The following TNIK variants were observed in gnomAD, a reference collection of about 807,000 sequenced individuals.
TNIK encodes the protein TRAF2 and NCK interacting kinase.
TNIK carries 49 observed loss-of-function variants against 191.3 expected under a neutral mutation model. That is an observed-to-expected ratio of 0.26 (90% CI 0.20 to 0.32). The LOEUF (loss-of-function observed/expected upper bound fraction) is 0.32. TNIK is among the 10% of genes least tolerant of loss of function. The pLI, the probability that TNIK is intolerant of heterozygous loss-of-function variation, is 1.00. For synonymous variants in TNIK, 594 were observed against 600.9 expected (o/e 0.99, Z 0.17); for missense variants, 1,155 against 1,702.3 (o/e 0.68, Z 5.66).
intron 2 of TNIK, among the ~76,000 whole-genome samples, chr3:171,346,206 A>G (rs1187469028): frequency 6.6e-6 from 1 of 152,180 alleles, no homozygotes; most frequent in Non-Finnish European, 1.5e-5. Flanking sequence ...GTGGTTGATC[A>G]TTAATTACTC....
At chr3:171,352,277 G>C (rs757257316) in intron 2 of TNIK, among the ~76,000 whole-genome samples, 1 of 152,078 alleles carries the variant, frequency 6.6e-6, no homozygotes, top group Non-Finnish European at 1.5e-5. Flanking sequence ...ATCTTCATGT[G>C]GCATTAAAAA....
chr3:171,259,098 AAGAGAG>A (rs1167546459), intron 2 of TNIK, among the ~76,000 whole-genome samples: 4 of 149,792 alleles, frequency 2.7e-5, no homozygotes, highest in Non-Finnish European at 6.0e-5. Context: ...TGTTTTATAT[AAGAGAG>A]AGAGAGAGCA....
chr3:171,450,470 C>T lies in TNIK; in HGVS notation c.57+9537G>A, dbSNP rs557305221. 6.9e-4 allele frequency among the ~76,000 whole-genome samples: 105 copies of T among 152,214 alleles called. 1 individual carries two copies. Among genetic ancestry groups the T allele is most frequent in the South Asian group, 4.8e-3 (23 of 4,826 alleles). ...AATCCAGTTGAGGGACGTGGTATAA[C>T]GGGACCCAGCACTGCATTCGAATTT... On this transcript the variant is annotated intron_variant, in intron 1 of 32. Coordinates refer to ENST00000436636, the MANE Select transcript of TNIK (RefSeq NM_015028.4).
rs116427116 is a variant in TNIK, at chr3:171,395,513, G to T, written c.58-25828C>A. Among the ~76,000 whole-genome samples the T allele has an allele frequency of 5.4e-3, 817 of 152,192 alleles. 7 individuals are homozygous for T. The highest frequency in any genetic ancestry group is 0.018 in the African/African-American group (764 of 41,516). The stretch of plus-strand genomic sequence containing the variant: ...ATTATATGTCCCATTACATTGCATA[G>T]GACACTGGAAATGGACACAGGCACT... On this transcript the variant is annotated intron_variant, in intron 1 of 32. Transcript: ENST00000436636.
At chr3:171,158,370 G>T (rs1733508848) in intron 11 of TNIK, among the ~76,000 whole-genome samples, 1 of 152,216 alleles carries the variant, frequency 6.6e-6, no homozygotes, top group Admixed American at 6.5e-5. Flanking sequence ...CTGTAAAATG[G>T]TGGTTGTACA....
chr3:171,290,901 C>G (rs550293874), intron 2 of TNIK, among the ~76,000 whole-genome samples: 42 of 152,282 alleles, frequency 2.8e-4, no homozygotes, highest in African/African-American at 9.6e-4. Context: ...AATTCCATGA[C>G]AAGCCCATAG....
At chr3:171,153,835 TC>T (rs1732793904) in intron 12 of TNIK, among the ~76,000 whole-genome samples, 1 of 151,790 alleles carries the variant, frequency 6.6e-6, no homozygotes, top group Admixed American at 6.6e-5. Context: ...CAGGTGAGGC[TC>T]CCACCCTGTG....
At chr3:171,221,599 T>C (rs1484291018) in intron 3 of TNIK, among the ~76,000 whole-genome samples, 1 of 152,172 alleles carries the variant, frequency 6.6e-6, no homozygotes, top group African/African-American at 2.4e-5. Flanking sequence ...CAGAAGATAG[T>C]GCCCATGTCT....
intron 1 of TNIK, among the ~76,000 whole-genome samples, chr3:171,458,569 T>C (rs1729041504): frequency 6.6e-6 from 1 of 151,994 alleles, no homozygotes; most frequent in Non-Finnish European, 1.5e-5. Context: ...GAGGAAAAGG[T>C]TTAATTAAGG....
intron 15 of TNIK, among the ~76,000 whole-genome samples, chr3:171,136,153 T>C (rs557323407): frequency 6.6e-6 from 1 of 152,328 alleles, no homozygotes; most frequent in African/African-American, 2.4e-5. Flanking sequence ...CACAACATAA[T>C]GATCTTTTCC....
chr3:171,099,901 C>T (rs748239165), intron 22 of TNIK, among the ~76,000 whole-genome samples: 3 of 152,180 alleles, frequency 2.0e-5, no homozygotes, highest in Non-Finnish European at 4.4e-5. Context: ...TGCTAATGAA[C>T]ATCTTTGGTT....
Position 171,194,611 on chromosome 3 carries a change from C to A in TNIK, c.331G>T (p.Gly111Cys), listed in dbSNP as rs752045783. The change falls in exon 5 of 33, where the codon GGC (glycine) becomes TGC (cysteine). Residue 111 changes from glycine to cysteine, a missense_variant. By Grantham distance (159) the Gly-to-Cys change is radical. Coordinates refer to ENST00000436636, the MANE Select transcript of TNIK (RefSeq NM_015028.4). ...TTCTTGATCAGGTCGGTGACAGAGC[C>A]AGCACCACAAAACTCCATCACCAAC... ...LWLVMEFCGAGSVTDLIKNTK... is the reference protein window; with the variant it reads ...LWLVMEFCGACSVTDLIKNTK... 1 of 1,613,802 alleles carries A rather than the reference C, an allele frequency of 6.2e-7. No individual in the cohort carries two copies. Among genetic ancestry groups the A allele is most frequent in the Non-Finnish European group, 8.5e-7 (1 of 1,179,830 alleles).
chr3:171,286,163 G>C (rs770483327), intron 2 of TNIK, among the ~76,000 whole-genome samples: 6 of 152,198 alleles, frequency 3.9e-5, no homozygotes, highest in Non-Finnish European at 7.3e-5. Context: ...AAAGATGGTG[G>C]AAGAGACAAA....
At chr3:171,338,185 G>T (rs2108390229) in intron 2 of TNIK, among the ~76,000 whole-genome samples, 1 of 151,418 alleles carries the variant, frequency 6.6e-6, no homozygotes, top group East Asian at 1.9e-4. Flanking sequence ...ATTTTTTTAA[G>T]ATTATTTATG....
At chr3:171,230,322 A>T (rs1399518080) in intron 2 of TNIK, among the ~76,000 whole-genome samples, 1 of 152,194 alleles carries the variant, frequency 6.6e-6, no homozygotes, top group East Asian at 1.9e-4. Flanking sequence ...TAATGGCTAT[A>T]AATCATGTCT....
At chr3:171,089,280 G>A (rs965990043) in intron 23 of TNIK, among the ~76,000 whole-genome samples, 1 of 152,152 alleles carries the variant, frequency 6.6e-6, no homozygotes, top group South Asian at 2.1e-4. Flanking sequence ...TCTCAGAGTT[G>A]AGCATTTCCT....
intron 3 of TNIK, among the ~76,000 whole-genome samples, chr3:171,220,925 A>G (rs1742231115): frequency 6.6e-6 from 1 of 152,180 alleles, no homozygotes; most frequent in Non-Finnish European, 1.5e-5. Context: ...AACAAGCCCA[A>G]CATCCAGGCC....
chr3:171,228,704 T>C (rs761492009), intron 2 of TNIK, among the ~76,000 whole-genome samples: 25 of 152,198 alleles, frequency 1.6e-4, no homozygotes, highest in Non-Finnish European at 3.5e-4. Flanking sequence ...AAAGGGAGCC[T>C]AAACTAAAAC....
chr3:171,306,970 C>T (rs1753519383), intron 2 of TNIK, among the ~76,000 whole-genome samples: 1 of 152,086 alleles, frequency 6.6e-6, no homozygotes, highest in Non-Finnish European at 1.5e-5. Flanking sequence ...GGAACAAAGT[C>T]AACAGCATGC....
Sources: allele counts gnomAD v4.1 joint callset (sites outside exome capture counted in the v4.1 genomes callset), GRCh38; gene constraint gnomAD v4.1.1; transcripts MANE v1.5; gene names NCBI Gene and HGNC (gene_info 2026-07-23, HGNC 2026-07-21).